The following DLGAP2 variants were observed in gnomAD, a reference collection of about 807,000 sequenced individuals.
The protein encoded by DLGAP2 is disks large-associated protein 2.
In DLGAP2, 26 loss-of-function variants were observed where a neutral mutation model predicts 100.3. That is an observed-to-expected ratio of 0.26 (90% confidence interval 0.19 to 0.36). The LOEUF (loss-of-function observed/expected upper bound fraction) is 0.36. Ranked by LOEUF, DLGAP2 falls within the 10% of genes least tolerant of loss-of-function variation. DLGAP2 has a pLI of 1.00. For synonymous variants in DLGAP2, 886 were observed against 630.1 expected (o/e 1.41, Z -6.08); for missense variants, 1,858 against 1,453.2 (o/e 1.28, Z -4.53).
intron 3 of DLGAP2, among the ~76,000 whole-genome samples, chr8:1,328,761 A>G (rs996784188): frequency 2.2e-4 from 34 of 152,208 alleles, no homozygotes; most frequent in African/African-American, 7.2e-4. Context: ...TCCCATAATA[A>G]CGGGAGACGG....
At chr8:826,826 A>T (rs1796692635) in intron 1 of DLGAP2, among the ~76,000 whole-genome samples, 1 of 151,972 alleles carries the variant, frequency 6.6e-6, no homozygotes, top group Non-Finnish European at 1.5e-5. Flanking sequence ...TTTGTCATTT[A>T]TGTGGATTTG....
chr8:1,479,325 C>T (rs768167427), intron 3 of DLGAP2, among the ~76,000 whole-genome samples: 12 of 152,168 alleles, frequency 7.9e-5, no homozygotes, highest in Non-Finnish European at 1.3e-4. Context: ...GATGATTAGC[C>T]GCCTCTCAAG....
chr8:1,619,099 G>C (rs1211996460), intron 6 of DLGAP2, among the ~76,000 whole-genome samples: 1 of 152,210 alleles, frequency 6.6e-6, no homozygotes, highest in Non-Finnish European at 1.5e-5. Flanking sequence ...GGAAATGTCT[G>C]TCTGACAAAG....
intron 2 of DLGAP2, among the ~76,000 whole-genome samples, chr8:1,169,668 G>A (rs7832290): frequency 0.18 from 27,820 of 151,178 alleles, 2,749 homozygotes; most frequent in Middle Eastern, 0.33. Context: ...TTCACTCATG[G>A]TTTGGCTCTC....
At chr8:922,439 G>T (rs550556404) in intron 2 of DLGAP2, among the ~76,000 whole-genome samples, 11 of 152,126 alleles carry the variant, frequency 7.2e-5, no homozygotes, top group Admixed American at 7.2e-4. Flanking sequence ...AGTAATTCCA[G>T]GAAGGCATTT....
intron 3 of DLGAP2, among the ~76,000 whole-genome samples, chr8:1,434,804 C>T (rs1442260403): frequency 3.3e-5 from 5 of 152,178 alleles, no homozygotes; most frequent in Non-Finnish European, 1.5e-5. Flanking sequence ...ACAGAAAATG[C>T]TCCGTGAACA....
intron 6 of DLGAP2, among the ~76,000 whole-genome samples, chr8:1,616,348 C>G (rs1021253188): frequency 5.9e-5 from 9 of 151,870 alleles, no homozygotes; most frequent in African/African-American, 2.2e-4. Flanking sequence ...AAAAAATGGC[C>G]AAATATTTTA....
chr8:1,180,941 G>A lies in DLGAP2; in HGVS notation c.74-77910G>A, dbSNP rs867573546. Among the ~76,000 whole-genome samples, 7 of 113,412 alleles carry A rather than the reference G, an allele frequency of 6.2e-5. 2 individuals carry two copies. Among genetic ancestry groups the A allele is most frequent in the Non-Finnish European group, 1.1e-4 (6 of 54,102 alleles). 74.4% of individuals were successfully genotyped at this position (113,412 alleles called of 152,430 possible). ...GCTGTGCAAGGGCAGTACACTTACT[G>A]TCGAGTGTGGGTGGCTGTGCAAGGG... On this transcript the variant is annotated intron_variant, in intron 2 of 14. Transcript: ENST00000637795.
At chr8:1,168,805 C>T (rs1376444689) in intron 2 of DLGAP2, among the ~76,000 whole-genome samples, 14 of 123,522 alleles carry the variant, frequency 1.1e-4, no homozygotes, top group South Asian at 2.6e-4. Flanking sequence ...GAGTAGGTTG[C>T]GAAAATTTTC....
chr8:1,161,885 G>A (rs879487846), intron 2 of DLGAP2, among the ~76,000 whole-genome samples: 11 of 152,226 alleles, frequency 7.2e-5, no homozygotes, highest in Admixed American at 3.9e-4. Context: ...GCACAAGCTC[G>A]AAGGAGACGT....
intron 1 of DLGAP2, among the ~76,000 whole-genome samples, chr8:796,661 C>G (rs1295844667): frequency 1.3e-5 from 2 of 152,188 alleles, no homozygotes; most frequent in South Asian, 2.1e-4. Context: ...GACACACAAG[C>G]CTGCTGTGCT....
chr8:863,637 C>G (rs545560027), intron 1 of DLGAP2, among the ~76,000 whole-genome samples: 1 of 152,144 alleles, frequency 6.6e-6, no homozygotes, highest in Non-Finnish European at 1.5e-5. Flanking sequence ...CTCAGCACCG[C>G]GGATCATCGG....
chr8:1,610,148 C>T (rs1009431543), intron 6 of DLGAP2, among the ~76,000 whole-genome samples: 1 of 152,004 alleles, frequency 6.6e-6, no homozygotes, highest in African/African-American at 2.4e-5. Context: ...GTAAAGCTCT[C>T]CTCAGCAAAT....
chr8:1,365,202 A>G (rs531553138), intron 3 of DLGAP2, among the ~76,000 whole-genome samples: 3 of 152,044 alleles, frequency 2.0e-5, no homozygotes, highest in Non-Finnish European at 2.9e-5. Flanking sequence ...GGTCACTTCT[A>G]CCCGGTCCAC....
chr8:1,215,424 C>T (rs1798194798), intron 2 of DLGAP2, among the ~76,000 whole-genome samples: 1 of 151,552 alleles, frequency 6.6e-6, no homozygotes, highest in Admixed American at 6.6e-5. Context: ...CACCTGGAGA[C>T]GTCCAGGTAC....
intron 2 of DLGAP2, among the ~76,000 whole-genome samples, chr8:926,039 A>G (rs907057108): frequency 6.6e-6 from 1 of 152,180 alleles, no homozygotes; most frequent in Non-Finnish European, 1.5e-5. Context: ...GGCACAGAGC[A>G]GGTCTTAGCC....
intron 2 of DLGAP2, among the ~76,000 whole-genome samples, chr8:1,053,504 G>T (rs146711760): frequency 2.0e-5 from 3 of 152,192 alleles, no homozygotes; most frequent in South Asian, 2.1e-4. Flanking sequence ...GAGGCCAGGG[G>T]TTTTGAAACC....
chr8:1,173,535 C>G (rs1413571179), intron 2 of DLGAP2, among the ~76,000 whole-genome samples: 2 of 152,188 alleles, frequency 1.3e-5, no homozygotes, highest in Admixed American at 6.5e-5. Context: ...GTGGGCTCCA[C>G]CCAGTTGGAG....
chr8:1,369,963 C>T (rs911478969), intron 3 of DLGAP2: 1 of 152,248 alleles, frequency 6.6e-6, no homozygotes, highest in African/African-American at 2.4e-5. Flanking sequence ...GCCCTGAAAT[C>T]TCAGAGTGAT....
Sources: allele counts gnomAD v4.1 joint callset (sites outside exome capture counted in the v4.1 genomes callset), GRCh38; gene constraint gnomAD v4.1.1; transcripts MANE v1.5; gene names NCBI Gene and HGNC (gene_info 2026-07-23, HGNC 2026-07-21).